The following DOCK8 variants were observed in gnomAD, a reference collection of about 807,000 sequenced individuals.
The protein encoded by DOCK8 is dedicator of cytokinesis 8.
DOCK8 carries 141 observed loss-of-function variants against 245.6 expected under a neutral mutation model. That is an observed-to-expected ratio of 0.57 (90% CI 0.50 to 0.66). DOCK8 has a LOEUF of 0.66. Ranked by LOEUF, DOCK8 falls within the 30% of genes least tolerant of loss-of-function variation. The pLI is 0.00. For synonymous variants in DOCK8, 1,168 were observed against 970.2 expected (o/e 1.20, Z -3.79); for missense variants, 2,965 against 2,603.4 (o/e 1.14, Z -3.02).
chr9:376,484 C>G lies in DOCK8; in HGVS notation c.2205+179C>G, dbSNP rs1055845225. Among the ~76,000 whole-genome samples, 7 of 152,164 alleles carry G rather than the reference C, an allele frequency of 4.6e-5. No individual in the cohort carries two copies. In the South Asian group the frequency reaches 1.0e-3, roughly 23 times the overall value. The stretch of plus-strand genomic sequence containing the variant: ...TCATTTGTCATTGGAATAGAAAGAC[C>G]TTACAAAACCGCCGAGCACCTAAAG... On this transcript the variant is annotated intron_variant, in intron 19 of 47. Coordinates refer to ENST00000432829, the MANE Select transcript of DOCK8 (RefSeq NM_203447.4).
At chr9:214,846 G>T, upstream of DOCK8, 1 of 1,601,824 alleles carries the variant, frequency 6.2e-7, no homozygotes, top group Non-Finnish European at 8.5e-7. Flanking sequence ...TGGAAATGCG[G>T]AAGTTTCCAG....
intron 2 of DOCK8, among the ~76,000 whole-genome samples, chr9:282,478 A>G (rs1345529071): frequency 1.4e-5 from 2 of 140,450 alleles, no homozygotes; most frequent in East Asian, 4.2e-4. Context: ...GAGTGCAGTG[A>G]TGTGATCACA....
chr9:403,928 A>ATG (rs1170294096), intron 26 of DOCK8, among the ~76,000 whole-genome samples: 6 of 74,080 alleles, frequency 8.1e-5, no homozygotes, highest in African/African-American at 4.2e-4. Flanking sequence ...ATATATATAT[A>ATG]TGTGTATATA....
chr9:416,800 C>T (rs1384394024), intron 29 of DOCK8, among the ~76,000 whole-genome samples: 2 of 152,182 alleles, frequency 1.3e-5, no homozygotes, highest in African/African-American at 4.8e-5. Flanking sequence ...AACTAGAGAA[C>T]TTCTATAAAA....
Position 286,525 on chromosome 9 carries a change from G to A in DOCK8, c.221G>A (p.Ser74Asn), listed in dbSNP as rs563918671. Residue 74 changes from serine to asparagine, a missense_variant, in exon 3 of 48, where the codon AGC (serine) becomes AAC (asparagine). Coordinates refer to ENST00000432829, the MANE Select transcript of DOCK8 (RefSeq NM_203447.4). ...GGACTTCTGATGACACACCTGAACA[G>A]CCTGGATGTGCAGCTTGCCCAGGAG... ...FEGLLMTHLN[S>N]LDVQLAQELG... 2.5e-6 allele frequency: 4 copies of A among 1,613,980 alleles called. No homozygotes were observed. Among genetic ancestry groups the A allele is most frequent in the Non-Finnish European group, 3.4e-6 (4 of 1,179,932 alleles).
chr9:340,659 A>C (rs2051542257), intron 14 of DOCK8: 3 of 217,416 alleles, frequency 1.4e-5, no homozygotes, highest in Non-Finnish European at 2.8e-5. Flanking sequence ...TTCTTGGAAA[A>C]CCGTTGAGCT....
In DOCK8 at chr9:317,013, A is replaced by G. The variant is rs1169961575; in HGVS notation, c.742-30A>G. ...TTGGAGCTCCCCACAGAATTCACTA[A>G]TGATTTCCTTACGATGTGATTAAAA... is the stretch of plus-strand genomic sequence containing the variant. On this transcript the variant is annotated intron_variant, in intron 6 of 47. Transcript: ENST00000432829. The G allele has an allele frequency of 1.9e-6, 3 of 1,565,274 alleles. No individual in the cohort carries two copies. The African/African-American group carries it at 4.1e-5, about 21-fold the overall frequency.
chr9:439,775 T>A (rs762553860), intron 40 of DOCK8, among the ~76,000 whole-genome samples: 2 of 151,876 alleles, frequency 1.3e-5, no homozygotes, highest in African/African-American at 4.8e-5. Context: ...GAGAAAAAAA[T>A]TAGGGAGGAA....
chr9:272,998 A>G, intron 2 of DOCK8: 14 of 982,324 alleles, frequency 1.4e-5, no homozygotes, highest in Non-Finnish European at 1.7e-5. Context: ...CTTCGAAACC[A>G]CTTCTGCCTT....
chr9:405,246 C>G, intron 27 of DOCK8, 173 bp downstream of exon 27: 1 of 701,448 alleles, frequency 1.4e-6, no homozygotes, highest in South Asian at 1.9e-5. Flanking sequence ...TAAGAATTAA[C>G]AATCTAAGTA....
chr9:376,005 G>T (rs2053500037), intron 18 of DOCK8, among the ~76,000 whole-genome samples: 1 of 152,106 alleles, frequency 6.6e-6, no homozygotes, highest in Non-Finnish European at 1.5e-5. Context: ...CAAAAGGAAT[G>T]AATAAATACA....
Position 407,020 on chromosome 9 carries a change from G to C in DOCK8, c.3481G>C (p.Gly1161Arg). The change falls in exon 28 of 48, where the codon GGG becomes CGG. Residue 1161 changes from glycine (G) to arginine (R), a missense_variant. Physicochemically the swap from Gly to Arg is moderately radical, Grantham distance 125. This residue lies in a region of DOCK8 where 2,825 missense variants were observed against 2,453.5 expected (regional missense o/e 1.15). Transcript: ENST00000432829. ...SEYRQQHFLT[G>R]LLFTELAAAL... ...GTACCGCCAGCAGCACTTCCTCACC[G>C]GGCTCCTCTTCACAGAACTGGCTGC... is the stretch of plus-strand genomic sequence containing the variant. 1 of 1,614,090 alleles carries C rather than the reference G, an allele frequency of 6.2e-7. No homozygotes were observed. Among genetic ancestry groups the C allele is most frequent in the Non-Finnish European group, 8.5e-7 (1 of 1,180,008 alleles).
intron 12 of DOCK8, among the ~76,000 whole-genome samples, chr9:337,096 T>C (rs1023756585): frequency 9.2e-5 from 14 of 152,050 alleles, no homozygotes; most frequent in African/African-American, 3.4e-4. Flanking sequence ...AATCCATTAA[T>C]CTGTGAATGG....
At chr9:391,602 G>T (rs1468287766) in intron 24 of DOCK8, among the ~76,000 whole-genome samples, 1 of 152,036 alleles carries the variant, frequency 6.6e-6, no homozygotes, top group Non-Finnish European at 1.5e-5. Context: ...GAAGCAAAAG[G>T]ATTTTCCCAT....
At chr9:272,422 A>T (rs1201331035) in intron 2 of DOCK8, among the ~76,000 whole-genome samples, 1 of 152,080 alleles carries the variant, frequency 6.6e-6, no homozygotes, top group African/African-American at 2.4e-5. Flanking sequence ...TCAGTCTGTC[A>T]CCCAGCCTGG....
At chr9:275,702 C>T (rs2048319083) in intron 2 of DOCK8, among the ~76,000 whole-genome samples, 1 of 150,228 alleles carries the variant, frequency 6.7e-6, no homozygotes, top group Admixed American at 6.6e-5. Flanking sequence ...TATTCTCCTG[C>T]CTCAGCCTCC....
intron 1 of DOCK8, among the ~76,000 whole-genome samples, chr9:234,652 T>A (rs1275465205): frequency 6.6e-6 from 1 of 152,246 alleles, no homozygotes; most frequent in Non-Finnish European, 1.5e-5. Context: ...TCATTTCATC[T>A]TCCATCACTG....
chr9:418,943 C>T (rs2056155098), intron 30 of DOCK8, among the ~76,000 whole-genome samples: 2 of 151,792 alleles, frequency 1.3e-5, no homozygotes, highest in Admixed American at 1.3e-4. Flanking sequence ...TTAAACAAGA[C>T]TGCAGCTTTT....
chr9:253,594 G>C (rs11792508), intron 1 of DOCK8, among the ~76,000 whole-genome samples: 1 of 152,096 alleles, frequency 6.6e-6, no homozygotes, highest in Non-Finnish European at 1.5e-5. Flanking sequence ...AAGACTAAAA[G>C]TTATGCTAAT....
Sources: allele counts gnomAD v4.1 joint callset (sites outside exome capture counted in the v4.1 genomes callset), GRCh38; gene constraint gnomAD v4.1.1; regional missense constraint gnomAD v4.1.1; transcripts MANE v1.5; gene names NCBI Gene and HGNC (gene_info 2026-07-23, HGNC 2026-07-21).